The following SCUBE2 variants were observed in gnomAD, a reference collection of about 807,000 sequenced individuals.
SCUBE2 encodes signal peptide, CUB domain and EGF like domain containing 2, also known as signal peptide, CUB and EGF-like domain-containing protein 2.
SCUBE2 carries 114 observed loss-of-function variants against 125.9 expected under a neutral mutation model. That is an observed-to-expected ratio of 0.91 (90% CI 0.78 to 1.06). SCUBE2 has a LOEUF of 1.06. Ranked by LOEUF, SCUBE2 falls within the 50% of genes least tolerant of loss-of-function variation. The pLI is 0.00. For missense variants in SCUBE2, 1,255 were observed against 1,301.8 expected (o/e 0.96, Z 0.55); for synonymous variants, 459 against 492.9 (o/e 0.93, Z 0.91).
At chr11:9,064,871 A>G (rs889840822) in intron 7 of SCUBE2, 13 of 152,086 alleles carry the variant, frequency 8.5e-5, no homozygotes, top group African/African-American at 3.1e-4. Flanking sequence ...GGAGTAACGC[A>G]CCAAAGGATC....
intron 4 of SCUBE2, among the ~76,000 whole-genome samples, chr11:9,072,420 G>A (rs1215024478): frequency 6.6e-6 from 1 of 152,082 alleles, no homozygotes; most frequent in South Asian, 2.1e-4. Context: ...GCGTTAGCCA[G>A]GATGGTCTCG....
chr11:9,037,396 G>A (rs538647837), intron 16 of SCUBE2, among the ~76,000 whole-genome samples: 1 of 152,364 alleles, frequency 6.6e-6, no homozygotes, highest in Admixed American at 6.5e-5. Flanking sequence ...AGCAGGATGA[G>A]GATTAATGGC....
At chr11:9,077,790 A>G (rs899333351) in intron 3 of SCUBE2, among the ~76,000 whole-genome samples, 3 of 152,228 alleles carry the variant, frequency 2.0e-5, no homozygotes, top group African/African-American at 7.2e-5. Flanking sequence ...TGAGTCCACA[A>G]AGAGATCCCA....
intron 3 of SCUBE2, among the ~76,000 whole-genome samples, chr11:9,078,896 G>A (rs569733161): frequency 2.2e-4 from 33 of 152,236 alleles, no homozygotes; most frequent in East Asian, 1.2e-3. Flanking sequence ...TCCAACAGAT[G>A]TTTCTGTTTT....
At chr11:9,053,824 C>A in intron 10 of SCUBE2, 65 bp from the exon 11 acceptor site, 1 of 1,572,044 alleles carries the variant, frequency 6.4e-7, no homozygotes, top group South Asian at 1.1e-5. Context: ...TGGTCCCTCC[C>A]TTGAGGAAGG....
intron 16 of SCUBE2, among the ~76,000 whole-genome samples, chr11:9,037,646 G>A (rs879323521): frequency 1.3e-5 from 2 of 152,244 alleles, no homozygotes; most frequent in Non-Finnish European, 2.9e-5. Context: ...GTCCAGAGGT[G>A]CTGATGCCCC....
chr11:9,055,502 C>T (rs1858989603), intron 10 of SCUBE2, among the ~76,000 whole-genome samples: 1 of 152,198 alleles, frequency 6.6e-6, no homozygotes, highest in Non-Finnish European at 1.5e-5. Flanking sequence ...AGATACCCTT[C>T]CACTCTCTGA....
intron 7 of SCUBE2, among the ~76,000 whole-genome samples, chr11:9,063,237 C>T (rs1554893176): frequency 6.6e-6 from 1 of 151,662 alleles, no homozygotes; most frequent in Admixed American, 6.5e-5. Context: ...CAGAACAAGA[C>T]TCTGTCTCAA....
chr11:9,029,839 T>C (rs771449531), intron 19 of SCUBE2, 45 bp downstream of exon 19: 7 of 1,610,994 alleles, frequency 4.3e-6, no homozygotes, highest in Non-Finnish European at 5.9e-6. Flanking sequence ...CCCAGACACC[T>C]ATCTTCTTAG....
intron 10 of SCUBE2, among the ~76,000 whole-genome samples, chr11:9,054,854 G>C (rs1759802983): frequency 6.9e-6 from 1 of 145,814 alleles, no homozygotes; most frequent in Non-Finnish European, 1.5e-5. Flanking sequence ...TCCTGCCTCA[G>C]CTCCCAAGTA....
At position 9,033,856 on chromosome 11, in the gene SCUBE2, G is replaced by C. The variant is rs1856530591; in HGVS notation, c.2003-60C>G. 1.9e-6 allele frequency: 3 copies of C among 1,559,578 alleles called. No homozygotes were observed. The South Asian group carries it at 3.4e-5, about 18-fold the overall frequency. ...CACAAAGGCCAAGGAAGGATGATGT[G>C]AGTTCTAGAGATGAAGGCAAATAGA... On this transcript the variant is annotated intron_variant, in intron 16 of 22. Coordinates refer to ENST00000649792, the MANE Select transcript of SCUBE2 (RefSeq NM_001367977.2).
intron 7 of SCUBE2, 111 bp downstream of exon 7, chr11:9,065,780 C>G (rs899870764): frequency 1.2e-6 from 1 of 849,786 alleles, no homozygotes; most frequent in African/African-American, 1.6e-5. Flanking sequence ...CTGCTCACCC[C>G]AGTCCAGCTG....
chr11:9,025,972 C>T lies in SCUBE2; in HGVS notation c.2702-118G>A, dbSNP rs1855715476. ...CAATAAGTTATGCTCAAAAGCTCTT[C>T]AGGCCCAGCTGAGCCATCATAAGTC... On this transcript the variant is annotated intron_variant, in intron 20 of 22. Coordinates refer to ENST00000649792, the MANE Select transcript of SCUBE2 (RefSeq NM_001367977.2). 8 of 1,072,060 alleles carry T rather than the reference C, an allele frequency of 7.5e-6. No individual in the cohort carries two copies. The South Asian group carries it at 1.2e-4, about 15-fold the overall frequency. The allele number at this position is 1,072,060 out of a possible 1,614,324, so 66.4% of individuals were successfully genotyped here. A position where few individuals can be genotyped will look rare whatever the true frequency, so the allele number is the denominator to read the frequency against.
intron 12 of SCUBE2, 72 bp downstream of exon 12, chr11:9,053,027 A>C: frequency 7.4e-7 from 1 of 1,355,722 alleles, no homozygotes; most frequent in Middle Eastern, 2.1e-4. Flanking sequence ...CTTTGAGGGA[A>C]TCTAACACCT....
intron 7 of SCUBE2, chr11:9,065,031 T>G (rs1284877139): frequency 1.3e-5 from 2 of 152,052 alleles, no homozygotes; most frequent in Non-Finnish European, 2.9e-5. Flanking sequence ...GAGTCAGAAA[T>G]AGAAGACTCA....
intron 2 of SCUBE2, among the ~76,000 whole-genome samples, chr11:9,084,845 C>A (rs1861928581): frequency 6.6e-6 from 1 of 152,208 alleles, no homozygotes; most frequent in South Asian, 2.1e-4. Context: ...TCAAGTGATC[C>A]TCCTGCCTCA....
intron 13 of SCUBE2, among the ~76,000 whole-genome samples, chr11:9,052,218 T>C (rs1166879215): frequency 6.6e-6 from 1 of 152,238 alleles, no homozygotes; most frequent in Non-Finnish European, 1.5e-5. Flanking sequence ...ATATGTAATA[T>C]GAACATCAGG....
In SCUBE2 at chr11:9,055,894, G is replaced by C; in HGVS notation, c.1106C>G (p.Ser369Cys). The part of the protein sequence containing the change: ...EKSCQDVDEC[S>C]LDRTCDHSCI... ...GCTGTGGTCACAGGTCCTATCCAAA[G>C]AGCACTCATCCACATCTGTAATGGT... is the stretch of plus-strand genomic sequence containing the variant. Residue 369 changes from serine to cysteine, a missense_variant, in exon 10 of 23, where the codon TCT (serine) becomes TGT (cysteine). Ser to Cys is a moderately radical substitution (Grantham distance 112, BLOSUM62 -1). Coordinates refer to ENST00000649792, the MANE Select transcript of SCUBE2 (RefSeq NM_001367977.2). 8 of 1,614,170 alleles carry C rather than the reference G, an allele frequency of 5.0e-6. No homozygotes were observed. The highest frequency in any genetic ancestry group is 6.8e-6 in the Non-Finnish European group (8 of 1,180,002).
chr11:9,085,333 T>C (rs1861961916), intron 2 of SCUBE2, among the ~76,000 whole-genome samples: 1 of 152,192 alleles, frequency 6.6e-6, no homozygotes, highest in Non-Finnish European at 1.5e-5. Flanking sequence ...AACATTAGGG[T>C]AAAATGAATG....
Sources: gnomAD v4.1 joint callset for allele counts (sites outside exome capture counted in the v4.1 genomes callset) on GRCh38, gnomAD v4.1.1 for gene constraint, MANE v1.5 for transcripts, NCBI Gene and HGNC (gene_info 2026-07-23, HGNC 2026-07-21) for gene names.